Variants in AP3S2 observed in about 807,000 individuals in gnomAD.
The protein encoded by AP3S2 is AP-3 complex subunit sigma-2.
Under a neutral mutation model 23.4 loss-of-function variants are expected in AP3S2, and 22 were observed. The ratio of observed to expected loss-of-function variants is 0.94; its 90% CI spans 0.67 to 1.34. The LOEUF (loss-of-function observed/expected upper bound fraction) is 1.34. AP3S2 is among the 40% of genes most tolerant of loss of function. The pLI, the probability that AP3S2 is intolerant of heterozygous loss-of-function variation, is 0.00. For missense variants in AP3S2, 241 were observed against 236.9 expected (o/e 1.02, Z -0.11); for synonymous variants, 86 against 87.1 (o/e 0.99, Z 0.07).
chr15:89,847,948 G>A (rs1446755669), intron 4 of AP3S2, among the ~76,000 whole-genome samples: 2 of 152,156 alleles, frequency 1.3e-5, no homozygotes, highest in Non-Finnish European at 2.9e-5. Context: ...ATAATAAAAT[G>A]CAGTTCTGTA....
At chr15:89,858,255 T>C (rs534619854) in intron 4 of AP3S2, among the ~76,000 whole-genome samples, 4 of 151,658 alleles carry the variant, frequency 2.6e-5, no homozygotes, top group East Asian at 3.9e-4. Context: ...CTGATCAACA[T>C]AGAGAAACTC....
chr15:89,889,209 AC>A, intron 1 of AP3S2, 69 bp from the exon 2 acceptor site: 1 of 1,549,498 alleles, frequency 6.5e-7, no homozygotes, highest in Non-Finnish European at 8.9e-7. Context: ...ATGGGGATGG[AC>A]AAGGGAAGAA....
intron 3 of AP3S2, among the ~76,000 whole-genome samples, chr15:89,883,364 T>C (rs1284325545): frequency 6.6e-6 from 1 of 152,182 alleles, no homozygotes; most frequent in Non-Finnish European, 1.5e-5. Context: ...TCACTACAAA[T>C]GTTTGTTAAA....
At chr15:89,837,347 A>G (rs1484562194) in intron 5 of AP3S2, among the ~76,000 whole-genome samples, 2 of 152,180 alleles carry the variant, frequency 1.3e-5, no homozygotes, top group Non-Finnish European at 2.9e-5. Context: ...CATAACCCCC[A>G]AGCCAGAAGC....
At chr15:89,869,441 C>T (rs1238523071) in intron 4 of AP3S2, among the ~76,000 whole-genome samples, 3 of 147,414 alleles carry the variant, frequency 2.0e-5, no homozygotes, top group Non-Finnish European at 4.5e-5. Context: ...TGCGGAAGGC[C>T]GCAGGGTCCT....
chr15:89,845,993 C>G (rs1453451520), intron 4 of AP3S2, among the ~76,000 whole-genome samples: 1 of 152,126 alleles, frequency 6.6e-6, no homozygotes, highest in Non-Finnish European at 1.5e-5. Context: ...ATAATTACAA[C>G]CAGGATGAGT....
chr15:89,880,069 T>G (rs1314849325), intron 3 of AP3S2, among the ~76,000 whole-genome samples: 1 of 151,342 alleles, frequency 6.6e-6, no homozygotes, highest in Non-Finnish European at 1.5e-5. Flanking sequence ...CATCTTAGGA[T>G]ATATAAAATA....
Position 89,889,075 on chromosome 15 carries a change from GT to G in AP3S2, c.134del (p.Asn45ThrfsTer11), listed in dbSNP as rs1420672889. ...TFHLVLKRDD[N>X]ICNFLEGGSL... is the part of the protein sequence containing the mutation. ...TTCCACCCTCCAAGAAGTTACAGATGTTGTCATCCCGCTTGAGGACTAGATG... is the reference window on the plus strand; with the variant it reads ...TTCCACCCTCCAAGAAGTTACAGATGTGTCATCCCGCTTGAGGACTAGATG... On this transcript the variant is annotated frameshift_variant, in exon 2 of 6. Coordinates refer to ENST00000336418, the MANE Select transcript of AP3S2 (RefSeq NM_005829.5). LOFTEE classifies it high-confidence loss of function. 8.7e-6 allele frequency: 14 copies of G among 1,614,164 alleles called. No homozygotes were observed. The highest frequency in any genetic ancestry group is 1.2e-5 in the Non-Finnish European group (14 of 1,180,020).
At chr15:89,858,489 A>AG (rs1567178678) in intron 4 of AP3S2, among the ~76,000 whole-genome samples, 101 of 41,784 alleles carry the variant, frequency 2.4e-3, no homozygotes, top group East Asian at 7.3e-3. Flanking sequence ...GAAAGAAAGA[A>AG]AGAAAGAGAG....
intron 4 of AP3S2, among the ~76,000 whole-genome samples, chr15:89,855,454 C>G (rs981352562): frequency 2.6e-5 from 3 of 116,948 alleles, no homozygotes; most frequent in Non-Finnish European, 3.5e-5. Context: ...TATCTGCTGA[C>G]CTTCCCTCCA....
intron 4 of AP3S2, among the ~76,000 whole-genome samples, chr15:89,852,855 T>C (rs1895692141): frequency 6.6e-6 from 1 of 152,118 alleles, no homozygotes; most frequent in South Asian, 2.1e-4. Context: ...CTTCCAAAGC[T>C]GTAACATCCC....
In AP3S2 at chr15:89,835,529, A is replaced by G; in HGVS notation, c.568T>C (p.Ser190Pro). The G allele has an allele frequency of 6.2e-7, 1 of 1,613,918 alleles. No homozygotes were observed. The highest frequency in any genetic ancestry group is 8.5e-7 in the Non-Finnish European group (1 of 1,179,998). ...ATACTTGATCCTCAGACAAACTGGG[A>G]CAGGTTGGGAACTTTGATGTTGAGA... ...GDLNIKVPNL[S>P]QFV The change falls in exon 6 of 6, where the codon TCC (serine) becomes CCC (proline). Residue 190 changes from serine to proline, a missense_variant. Physicochemically the swap from Ser to Pro is moderately conservative, Grantham distance 74. Coordinates refer to ENST00000336418, the MANE Select transcript of AP3S2 (RefSeq NM_005829.5).
chr15:89,849,062 T>C (rs1895569803), intron 4 of AP3S2: 1 of 152,156 alleles, frequency 6.6e-6, no homozygotes, highest in African/African-American at 2.4e-5. Flanking sequence ...AAAATGAACA[T>C]ATGGTAATTA....
At chr15:89,869,702 C>CT (rs2141879520) in intron 4 of AP3S2, among the ~76,000 whole-genome samples, 1 of 152,000 alleles carries the variant, frequency 6.6e-6, no homozygotes, top group Admixed American at 6.5e-5. Flanking sequence ...AAAGAACCCA[C>CT]TTTGCACACT....
intron 1 of AP3S2, 65 bp downstream of exon 1, chr15:89,893,816 G>T: frequency 6.6e-7 from 1 of 1,520,706 alleles, no homozygotes; most frequent in Non-Finnish European, 8.9e-7. Context: ...GCGCCGAGAG[G>T]CCAAAGAGGA....
At chr15:89,836,909 CA>C (rs1895205689) in intron 5 of AP3S2, among the ~76,000 whole-genome samples, 1 of 152,166 alleles carries the variant, frequency 6.6e-6, no homozygotes, top group Non-Finnish European at 1.5e-5. Flanking sequence ...GTATACAAGG[CA>C]AAGAAGCTCT....
At chr15:89,837,110 T>G (rs565393154) in intron 5 of AP3S2, among the ~76,000 whole-genome samples, 1 of 152,184 alleles carries the variant, frequency 6.6e-6, no homozygotes, top group South Asian at 2.1e-4. Flanking sequence ...GGGTATGTTA[T>G]TTTCAAGCCT....
At chr15:89,841,999 T>G (rs1837174523) in intron 4 of AP3S2, among the ~76,000 whole-genome samples, 1 of 152,116 alleles carries the variant, frequency 6.6e-6, no homozygotes, top group Non-Finnish European at 1.5e-5. Flanking sequence ...AATAGTTGTC[T>G]CTATGAAATG....
At chr15:89,842,662 G>A (rs1225489813) in intron 4 of AP3S2, among the ~76,000 whole-genome samples, 1 of 152,212 alleles carries the variant, frequency 6.6e-6, no homozygotes, top group Admixed American at 6.5e-5. Context: ...TGCCAGGCTG[G>A]AGTGCAGTGG....
Sources: gnomAD v4.1 joint callset for allele counts (sites outside exome capture counted in the v4.1 genomes callset) on GRCh38, gnomAD v4.1.1 for gene constraint, MANE v1.5 for transcripts, NCBI Gene and HGNC (gene_info 2026-07-23, HGNC 2026-07-21) for gene names.